KPNA7: variants seen among roughly 807,000 people sequenced by gnomAD.
KPNA7 encodes the protein importin subunit alpha-8.
A neutral mutation model predicts 53.7 loss-of-function variants in KPNA7; 54 were observed. That is an observed-to-expected ratio of 1.01 (90% CI 0.81 to 1.26). KPNA7 has a LOEUF of 1.26. KPNA7 is among the 50% of genes most tolerant of loss of function. The probability of loss-of-function intolerance (pLI) is 0.00; values close to 1 mark genes in which losing one functional copy is unlikely to be tolerated. For synonymous variants in KPNA7, 276 were observed against 259.3 expected (o/e 1.06, Z -0.62); for missense variants, 640 against 644.5 (o/e 0.99, Z 0.07).
intron 7 of KPNA7, among the ~76,000 whole-genome samples, chr7:99,186,744 AAAC>A (rs375324904): frequency 7.9e-5 from 12 of 151,854 alleles, no homozygotes; most frequent in South Asian, 2.1e-4. Context: ...CTTTGTCAAA[AAAC>A]AACAACAACA....
Position 99,196,147 on chromosome 7 carries a change from T to TCA in KPNA7, c.219_220dup (p.Glu74ValfsTer3). 6.4e-7 allele frequency: 1 copy of TCA among 1,551,748 alleles called. No homozygotes were observed. Among genetic ancestry groups the TCA allele is most frequent in the Non-Finnish European group, 8.7e-7 (1 of 1,146,960 alleles). On this transcript the variant is annotated frameshift_variant, in exon 4 of 11. Coordinates refer to ENST00000327442, the MANE Select transcript of KPNA7 (RefSeq NM_001145715.3). LOFTEE classifies it high-confidence loss of function. ...TGAGCTATTCACACCTTTGATTATT[T>TCA]CACCCAGAGTGAGGCTGACCTGCAA... is the stretch of plus-strand genomic sequence containing the variant.
chr7:99,218,045 C>A (rs1196809074), intron 1 of KPNA7, among the ~76,000 whole-genome samples: 1 of 150,944 alleles, frequency 6.6e-6, no homozygotes, highest in African/African-American at 2.4e-5. Context: ...GGGCTGCAGG[C>A]CATGCCCAGG....
chr7:99,146,706 T>G, the KPNA7 span, among the ~76,000 whole-genome samples: 3 of 102,800 alleles, frequency 2.9e-5, no homozygotes, highest in African/African-American at 4.2e-5. Context: ...AGCGAGACTG[T>G]GTCTTAAAAA....
intron 6 of KPNA7, among the ~76,000 whole-genome samples, chr7:99,189,479 CACCAG>C (rs1789822167): frequency 6.6e-6 from 1 of 152,116 alleles, no homozygotes; most frequent in Non-Finnish European, 1.5e-5. Flanking sequence ...AAATCACTCC[CACCAG>C]TAAGGAAACA....
chr7:99,159,057 G>C, the KPNA7 span, among the ~76,000 whole-genome samples: 3 of 151,964 alleles, frequency 2.0e-5, no homozygotes, highest in Non-Finnish European at 4.4e-5. Flanking sequence ...TAGAGACGGG[G>C]TTTCACCATG....
chr7:99,210,278 C>T (rs1015261595), upstream of KPNA7, among the ~76,000 whole-genome samples: 19 of 152,180 alleles, frequency 1.2e-4, no homozygotes, highest in Non-Finnish European at 2.1e-4. Context: ...TTCATTCAGT[C>T]TCTGCTTAAA....
At chr7:99,176,474 G>A (rs1798913247) in intron 10 of KPNA7, among the ~76,000 whole-genome samples, 1 of 152,072 alleles carries the variant, frequency 6.6e-6, no homozygotes, top group African/African-American at 2.4e-5. Context: ...TGCATTGTTG[G>A]TAGGGATGTG....
the KPNA7 span, among the ~76,000 whole-genome samples, chr7:99,165,393 G>A: frequency 6.6e-6 from 1 of 151,834 alleles, no homozygotes; most frequent in Non-Finnish European, 1.5e-5. Flanking sequence ...AGAGGGTACA[G>A]AGTCTCCCAG....
chr7:99,173,992 A>G (rs1030419708), intron 10 of KPNA7, among the ~76,000 whole-genome samples, 198 bp from the exon 11 acceptor site: 1 of 152,146 alleles, frequency 6.6e-6, no homozygotes, highest in African/African-American at 2.4e-5. Flanking sequence ...ATCTTGCACA[A>G]CTGAAGCTTT....
chr7:99,194,920 A>G (rs1790148375), intron 5 of KPNA7, 150 bp downstream of exon 5: 3 of 1,008,862 alleles, frequency 3.0e-6, no homozygotes, highest in African/African-American at 3.3e-5. Context: ...TTGAGTTTGG[A>G]AACAGCTCAT....
intron 8 of KPNA7, among the ~76,000 whole-genome samples, chr7:99,184,349 GAA>G (rs1360314158): frequency 6.6e-6 from 1 of 151,896 alleles, no homozygotes; most frequent in Non-Finnish European, 1.5e-5. Context: ...TTTTTGTAGA[GAA>G]AGAGTTTCGC....
chr7:99,175,446 T>C (rs1225081273), intron 10 of KPNA7, among the ~76,000 whole-genome samples: 2 of 152,084 alleles, frequency 1.3e-5, no homozygotes, highest in Non-Finnish European at 2.9e-5. Context: ...CCCAAAGTGC[T>C]GCAATTATAG....
chr7:99,217,528 G>A (rs1791244579), intron 1 of KPNA7, among the ~76,000 whole-genome samples: 1 of 151,952 alleles, frequency 6.6e-6, no homozygotes, highest in Non-Finnish European at 1.5e-5. Flanking sequence ...GCTAGCTGGG[G>A]TTGGGGGTGG....
intron 10 of KPNA7, among the ~76,000 whole-genome samples, chr7:99,175,259 G>A (rs1295937156): frequency 1.3e-5 from 2 of 152,054 alleles, no homozygotes; most frequent in Non-Finnish European, 2.9e-5. Flanking sequence ...TTGGAGAGCA[G>A]TGGCACAATC....
downstream of KPNA7, among the ~76,000 whole-genome samples, chr7:99,173,062 C>CAAAAA (rs923484332): frequency 1.2e-3 from 66 of 57,098 alleles, 2 homozygotes; most frequent in African/African-American, 3.1e-3. Context: ...AACTCCATCT[C>CAAAAA]AAAAAAAAAA....
Position 99,184,117 on chromosome 7 carries a change from G to A in KPNA7, c.1134+812C>T, listed in dbSNP as rs187385589. Among the ~76,000 whole-genome samples, 165 of 151,250 alleles carry A rather than the reference G, an allele frequency of 1.1e-3. 1 individual carries two copies. Among genetic ancestry groups the A allele is most frequent in the African/African-American group, 3.9e-3 (162 of 41,150 alleles). On this transcript the variant is annotated intron_variant, in intron 8 of 10. Coordinates refer to ENST00000327442, the MANE Select transcript of KPNA7 (RefSeq NM_001145715.3). ...ACTTGCCTTGGCCTCCCAAAGTGCT[G>A]GGATTACGGACATAAGCCACTGTGC... is the stretch of plus-strand genomic sequence containing the variant.
At chr7:99,161,496 T>C in the KPNA7 span, among the ~76,000 whole-genome samples, 547 of 152,262 alleles carry the variant, frequency 3.6e-3, 1 homozygote, top group African/African-American at 0.011. Flanking sequence ...ATAAAAGACC[T>C]TGAGAGCCAG....
chr7:99,154,473 A>ATTTCAGGTCATTTATCAGAC, the KPNA7 span, among the ~76,000 whole-genome samples: 2 of 151,376 alleles, frequency 1.3e-5, no homozygotes, highest in Admixed American at 1.3e-4. Context: ...ATTTATCAGA[A>ATTTCAGGTCATTTATCAGAC]TTTCAGGTCA....
At chr7:99,152,388 G>GA in the KPNA7 span, among the ~76,000 whole-genome samples, 1 of 148,762 alleles carries the variant, frequency 6.7e-6, no homozygotes, top group East Asian at 2.0e-4. Context: ...AAAAAGGAAA[G>GA]AAAAAGAAAA....
Sources: gnomAD v4.1 joint callset for allele counts (sites outside exome capture counted in the v4.1 genomes callset) on GRCh38, gnomAD v4.1.1 for gene constraint, MANE v1.5 for transcripts, NCBI Gene and HGNC (gene_info 2026-07-23, HGNC 2026-07-21) for gene names.